PHACTR1: variants seen among roughly 807,000 people sequenced by gnomAD.
The protein encoded by PHACTR1 is phosphatase and actin regulator 1.
Under a neutral mutation model 69.2 loss-of-function variants are expected in PHACTR1, and 16 were observed. That is an observed-to-expected ratio of 0.23 (90% CI 0.16 to 0.35). The LOEUF (loss-of-function observed/expected upper bound fraction) is 0.35. PHACTR1 is among the 10% of genes least tolerant of loss of function. PHACTR1 has a pLI of 1.00. For synonymous variants in PHACTR1, 312 were observed against 284.5 expected (o/e 1.10, Z -0.97); for missense variants, 510 against 734.7 (o/e 0.69, Z 3.54).
intron 4 of PHACTR1, among the ~76,000 whole-genome samples, chr6:12,890,649 G>A (rs1784087260): frequency 6.6e-6 from 1 of 152,156 alleles, no homozygotes; most frequent in Non-Finnish European, 1.5e-5. Flanking sequence ...TTTGCCTGGA[G>A]TGATCTTCCT....
rs184266767 is a variant in PHACTR1 at position 13,210,235 on chromosome 6, G to A, written c.986+4099G>A. Among the ~76,000 whole-genome samples the A allele has an allele frequency of 2.4e-4, 37 of 152,054 alleles. No homozygotes were observed. The East Asian group carries it at 4.3e-3, about 18-fold the overall frequency. On this transcript the variant is annotated intron_variant, in intron 8 of 14. Coordinates refer to ENST00000332995, the MANE Select transcript of PHACTR1 (RefSeq NM_030948.6). ...TTGCCATGTTGCCCAAACTGGCATC[G>A]AACTCATAGTCTAAAGTGATCATCC...
intron 4 of PHACTR1, among the ~76,000 whole-genome samples, chr6:12,826,422 G>T (rs1441486388): frequency 6.6e-6 from 1 of 152,160 alleles, no homozygotes. Flanking sequence ...ATCAAATTTA[G>T]CAACAATTCC....
intron 7 of PHACTR1, among the ~76,000 whole-genome samples, chr6:13,205,430 T>C (rs1212389394): frequency 6.6e-6 from 1 of 152,196 alleles, no homozygotes; most frequent in Non-Finnish European, 1.5e-5. Flanking sequence ...ACAAACTGCA[T>C]CCAAACCATA....
chr6:13,168,403 G>A (rs1450461408), intron 6 of PHACTR1, among the ~76,000 whole-genome samples: 2 of 152,174 alleles, frequency 1.3e-5, no homozygotes, highest in African/African-American at 4.8e-5. Flanking sequence ...TAAAGAATTA[G>A]TGAGATAATA....
intron 7 of PHACTR1, chr6:13,184,814 C>T (rs565537142): frequency 1.7e-5 from 23 of 1,366,550 alleles, no homozygotes; most frequent in East Asian, 4.5e-5. Flanking sequence ...GAAGAGAGTC[C>T]CTCTGCCAGT....
intron 4 of PHACTR1, among the ~76,000 whole-genome samples, chr6:12,960,743 A>G (rs1792610869): frequency 6.6e-6 from 1 of 152,200 alleles, no homozygotes; most frequent in South Asian, 2.1e-4. Context: ...TGATGGGCTC[A>G]GGGATCCTGT....
chr6:12,838,178 C>T (rs553158847), intron 4 of PHACTR1, among the ~76,000 whole-genome samples: 11 of 152,304 alleles, frequency 7.2e-5, no homozygotes, highest in Admixed American at 1.3e-4. Context: ...AGCCCGTCCC[C>T]GTGGCTATAA....
intron 4 of PHACTR1, among the ~76,000 whole-genome samples, chr6:12,897,692 T>G (rs1012558591): frequency 3.0e-5 from 3 of 101,464 alleles, no homozygotes; most frequent in Non-Finnish European, 5.9e-5. Context: ...AAGCACTTTG[T>G]AATCTTTTAT....
At chr6:13,269,040 A>G (rs1777226402) in intron 10 of PHACTR1, among the ~76,000 whole-genome samples, 1 of 152,190 alleles carries the variant, frequency 6.6e-6, no homozygotes, top group African/African-American at 2.4e-5. Flanking sequence ...CATGTTCACT[A>G]ATGAGATCAA....
chr6:12,921,845 G>A (rs931330693), intron 4 of PHACTR1, among the ~76,000 whole-genome samples: 2 of 134,078 alleles, frequency 1.5e-5, no homozygotes, highest in African/African-American at 6.0e-5. Flanking sequence ...GAGGGAGAGA[G>A]GGAGGCAGGA....
At position 13,287,161 on chromosome 6, in the gene PHACTR1, C is replaced by A; in HGVS notation, c.*83C>A. On this transcript the variant is annotated 3_prime_UTR_variant, in exon 15 of 15. Transcript: ENST00000332995. ...TAAGTGCTGGTATTTATTCACTTCCCCATTACGATGTAAATCTTCTGAACT... is the reference window on the plus strand; with the variant it reads ...TAAGTGCTGGTATTTATTCACTTCCACATTACGATGTAAATCTTCTGAACT... 1.5e-6 allele frequency: 2 copies of A among 1,290,990 alleles called. No individual in the cohort carries two copies. The highest frequency in any genetic ancestry group is 2.2e-6 in the Non-Finnish European group (2 of 922,266). The allele number at this position is 1,290,990 out of a possible 1,614,324, so 80.0% of individuals were successfully genotyped here.
chr6:13,026,868 C>G (rs1801768501), intron 4 of PHACTR1, among the ~76,000 whole-genome samples: 1 of 151,840 alleles, frequency 6.6e-6, no homozygotes, highest in Non-Finnish European at 1.5e-5. Flanking sequence ...GAAGGCTGCT[C>G]TAGACACCAG....
rs373763517 is a variant in PHACTR1 at position 12,850,696 on chromosome 6, C to T, written c.250+100906C>T. ...CTAATGGCTCTAGGGGAGGAGCCTC[C>T]CTTGCCTCTTCCAGCTTCTGATGTT... On this transcript the variant is annotated intron_variant, in intron 4 of 14. Transcript: ENST00000332995. Among the ~76,000 whole-genome samples the T allele has an allele frequency of 1.1e-4, 16 of 152,278 alleles. No homozygotes were observed. The East Asian group carries it at 2.9e-3, about 28-fold the overall frequency.
intron 4 of PHACTR1, among the ~76,000 whole-genome samples, chr6:12,757,892 A>G (rs1581618347): frequency 6.6e-6 from 1 of 152,126 alleles, no homozygotes; most frequent in Admixed American, 6.5e-5. Context: ...TGGGCGGATC[A>G]CCTGAGGTCA....
At chr6:12,951,946 G>A (rs138637012) in intron 4 of PHACTR1, among the ~76,000 whole-genome samples, 44 of 152,216 alleles carry the variant, frequency 2.9e-4, no homozygotes, top group South Asian at 8.3e-4. Context: ...GAAACAAAAC[G>A]CAGAAAGCAA....
intron 4 of PHACTR1, among the ~76,000 whole-genome samples, chr6:12,787,920 G>A (rs1376702298): frequency 2.0e-5 from 3 of 152,296 alleles, no homozygotes; most frequent in African/African-American, 7.2e-5. Context: ...ACTTTGGGAG[G>A]ATGAGGCTGG....
At chr6:12,719,692 T>C (rs1189749611) in intron 3 of PHACTR1, among the ~76,000 whole-genome samples, 1 of 152,184 alleles carries the variant, frequency 6.6e-6, no homozygotes, top group Non-Finnish European at 1.5e-5. Context: ...GAGAAGATAA[T>C]GCAGTCAGTT....
At chr6:12,739,391 A>G (rs79815015) in intron 3 of PHACTR1, among the ~76,000 whole-genome samples, 92 of 152,340 alleles carry the variant, frequency 6.0e-4, no homozygotes, top group African/African-American at 2.1e-3. Flanking sequence ...AGACAGCCCA[A>G]GTCATCAATA....
chr6:13,158,118 A>G (rs1197351407), intron 5 of PHACTR1, among the ~76,000 whole-genome samples: 1 of 151,972 alleles, frequency 6.6e-6, no homozygotes, highest in Admixed American at 6.6e-5. Flanking sequence ...CTGACCTCAA[A>G]TGATCCACAC....
Sources: gnomAD v4.1 joint callset for allele counts (sites outside exome capture counted in the v4.1 genomes callset) on GRCh38, gnomAD v4.1.1 for gene constraint, MANE v1.5 for transcripts, NCBI Gene and HGNC (gene_info 2026-07-23, HGNC 2026-07-21) for gene names.